SPATS2L: variants seen among roughly 807,000 people sequenced by gnomAD.
The protein encoded by SPATS2L is spermatogenesis associated serine rich 2 like, also known as SPATS2-like protein.
A neutral mutation model predicts 59.6 loss-of-function variants in SPATS2L; 30 were observed. The observed-to-expected ratio is 0.50, with a 90% CI of 0.38 to 0.68. The LOEUF is 0.68. SPATS2L is among the 30% of genes least tolerant of loss of function. The pLI, the probability that SPATS2L is intolerant of heterozygous loss-of-function variation, is 0.00. For synonymous variants in SPATS2L, 252 were observed against 263.5 expected (o/e 0.96, Z 0.42); for missense variants, 615 against 700.0 (o/e 0.88, Z 1.37).
chr2:200,320,848 GC>G (rs1160204115), intron 1 of SPATS2L, among the ~76,000 whole-genome samples: 4 of 151,820 alleles, frequency 2.6e-5, no homozygotes, highest in Non-Finnish European at 4.4e-5. Context: ...CATGTTCTCT[GC>G]CTTGGACTAG....
intron 1 of SPATS2L, chr2:200,308,812 G>A: frequency 4.6e-6 from 2 of 436,950 alleles, no homozygotes; most frequent in East Asian, 7.0e-5. Context: ...GATTTTCTAA[G>A]AATCAACTTA....
intron 1 of SPATS2L, among the ~76,000 whole-genome samples, chr2:200,323,187 A>G (rs1422642532): frequency 6.6e-6 from 1 of 152,196 alleles, no homozygotes; most frequent in Non-Finnish European, 1.5e-5. Context: ...GATTTACAGC[A>G]TGGCTCCATT....
At chr2:200,364,750 G>A (rs295129) in intron 2 of SPATS2L, among the ~76,000 whole-genome samples, 85,863 of 151,822 alleles carry the variant, frequency 0.57, 25,033 homozygotes, top group African/African-American at 0.68. Context: ...CTGAAGGCTT[G>A]TTGGGGTCTG....
chr2:200,419,445 A>G lies in SPATS2L; in HGVS notation c.394A>G (p.Lys132Glu). The G allele has an allele frequency of 2.5e-6, 4 of 1,613,928 alleles. No individual in the cohort carries two copies. The highest frequency in any genetic ancestry group is 1.1e-5 in the South Asian group (1 of 91,072). The part of the protein sequence containing the change: ...NEKPALIPRE[K>E]KISILEEPSK... ...AAAACCAGCCCTTATCCCTCGTGAG[A>G]AAAAGATCTCGATACTTGAGGAACC... The change falls in exon 6 of 13, where the codon AAA becomes GAA. Residue 132 changes from lysine (K) to glutamate (E), a missense_variant. Transcript: ENST00000409140.
At chr2:200,306,363 G>C (rs539312474), upstream of SPATS2L, 31 of 1,002,276 alleles carry the variant, frequency 3.1e-5, no homozygotes, top group African/African-American at 4.9e-4. Flanking sequence ...GGGGAGTTTC[G>C]GTGAAGTGGA....
intron 8 of SPATS2L, among the ~76,000 whole-genome samples, chr2:200,441,707 T>G (rs911113803): frequency 3.3e-5 from 5 of 152,162 alleles, no homozygotes; most frequent in Admixed American, 2.6e-4. Context: ...TACATAATCC[T>G]TAGCCCTCTG....
In SPATS2L at chr2:200,346,598, A is replaced by T. The variant is rs148065919; in HGVS notation, c.-23+17118A>T. 5.9e-5 allele frequency among the ~76,000 whole-genome samples: 9 copies of T among 152,272 alleles called. No individual in the cohort carries two copies. The East Asian group carries it at 1.5e-3, about 26-fold the overall frequency. ...TAAAACACTAAGTAATTTCAGAGAG[A>T]ATCTCATTTTGGCATTCTTTATATC... On this transcript the variant is annotated intron_variant, in intron 2 of 12. Coordinates refer to ENST00000409140, the MANE Select transcript of SPATS2L (RefSeq NM_001100423.2).
intron 6 of SPATS2L, among the ~76,000 whole-genome samples, chr2:200,437,821 T>C (rs2084403467): frequency 6.6e-6 from 1 of 152,260 alleles, no homozygotes; most frequent in South Asian, 2.1e-4. Context: ...GACTAGGACC[T>C]AGATCATATT....
At chr2:200,316,337 A>T (rs2079377717) in intron 1 of SPATS2L, among the ~76,000 whole-genome samples, 1 of 152,224 alleles carries the variant, frequency 6.6e-6, no homozygotes. Context: ...TTGCTTCATG[A>T]GTAGGCATTT....
intron 11 of SPATS2L, among the ~76,000 whole-genome samples, chr2:200,470,444 A>G (rs1437863283): frequency 6.6e-6 from 1 of 152,192 alleles, no homozygotes; most frequent in Non-Finnish European, 1.5e-5. Flanking sequence ...CAGTGCCCTG[A>G]GCCTCCACCC....
chr2:200,439,214 T>G lies in SPATS2L; in HGVS notation c.538T>G (p.Ser180Ala), dbSNP rs548993475. 6.2e-7 allele frequency: 1 copy of G among 1,613,612 alleles called. No homozygotes were observed. The highest frequency in any genetic ancestry group is 2.2e-5 in the East Asian group (1 of 44,858). Residue 180 changes from serine (S) to alanine (A), a missense_variant, in exon 7 of 13, where the codon TCA (serine) becomes GCA (alanine). Physicochemically the swap from Ser to Ala is moderately conservative, Grantham distance 99. Transcript: ENST00000409140. ...TTERSDGLQW[S>A]AEQPCNPSKP... The stretch of plus-strand genomic sequence containing the variant: ...AGAGAGGTCAGATGGCCTACAGTGG[T>G]CAGCTGAGCAGCCTTGTAACCCAAG...
At chr2:200,349,747 C>T (rs993325435) in intron 2 of SPATS2L, among the ~76,000 whole-genome samples, 3 of 152,208 alleles carry the variant, frequency 2.0e-5, no homozygotes, top group African/African-American at 4.8e-5. Flanking sequence ...CCTTCTCCTT[C>T]TGGTCTCCTG....
intron 4 of SPATS2L, 67 bp from the exon 5 acceptor site, chr2:200,416,312 C>T: frequency 1.4e-6 from 1 of 695,744 alleles, no homozygotes; most frequent in Non-Finnish European, 2.1e-6. Flanking sequence ...GATGGAAAGA[C>T]AGAGATGAAT....
Position 200,481,230 on chromosome 2 carries a change from G to C in SPATS2L, c.*3199G>C, listed in dbSNP as rs1346954204. On this transcript the variant is annotated 3_prime_UTR_variant, in exon 13 of 13. Transcript: ENST00000409140. ...CAATTTAAAGCTCAGTTCACAAGCA[G>C]TTCAATTCTGCTGGCATCAGAAAAG... The C allele has an allele frequency of 6.6e-6, 1 of 152,218 alleles. No individual in the cohort carries two copies. The highest frequency in any genetic ancestry group is 1.5e-5 in the Non-Finnish European group (1 of 68,036). The allele number at this position is 152,218 out of a possible 1,614,324, so 9.4% of individuals were successfully genotyped here.
intron 2 of SPATS2L, among the ~76,000 whole-genome samples, chr2:200,364,462 C>T (rs1044665507): frequency 1.3e-5 from 2 of 152,126 alleles, no homozygotes; most frequent in Admixed American, 6.6e-5. Flanking sequence ...GCCCTGTTCC[C>T]GTGTTTAGGT....
chr2:200,332,861 T>C (rs895900915), intron 2 of SPATS2L, among the ~76,000 whole-genome samples: 4 of 152,078 alleles, frequency 2.6e-5, no homozygotes, highest in Admixed American at 2.0e-4. Context: ...TAAAATATTC[T>C]CTATCAGTAG....
At position 200,479,754 on chromosome 2, in the gene SPATS2L, C is replaced by A; in HGVS notation, c.*1723C>A. ...TTCTGGCAACCCAGGTTCACTGGTT[C>A]TCTTCCACAGAGCGGCCCTGAGCAG... On this transcript the variant is annotated 3_prime_UTR_variant, in exon 13 of 13. Coordinates refer to ENST00000409140, the MANE Select transcript of SPATS2L (RefSeq NM_001100423.2). The A allele has an allele frequency of 2.5e-6, 1 of 398,658 alleles. No individual in the cohort carries two copies. The highest frequency in any genetic ancestry group is 1.3e-4 in the South Asian group (1 of 7,842). 24.7% of individuals were successfully genotyped at this position (398,658 alleles called of 1,614,324 possible). A position where few individuals can be genotyped will look rare whatever the true frequency, so the allele number is the denominator to read the frequency against.
At position 200,477,915 on chromosome 2, in the gene SPATS2L, A is replaced by C. The variant is rs574199885; in HGVS notation, c.1561A>C (p.Arg521=). 7.6e-5 allele frequency: 123 copies of C among 1,612,240 alleles called. No homozygotes were observed. The highest frequency in any genetic ancestry group is 1.1e-4 in the African/African-American group (8 of 74,892). ...GCACGCTGCAGACACCTCGGAGGCC[A>C]GGCCCTTCCGGGGTAGTGTCGGTAG... ...RQHAADTSEA[R]PFRGSVGRVS... is the part of the protein sequence containing the mutation. The change falls in exon 13 of 13, where the codon AGG becomes CGG. Residue 521 remains arginine (R), a synonymous_variant. Coordinates refer to ENST00000409140, the MANE Select transcript of SPATS2L (RefSeq NM_001100423.2).
chr2:200,419,258 A>C lies in SPATS2L; in HGVS notation c.207A>C (p.Lys69Asn). Residue 69 changes from lysine (K) to asparagine (N), a missense_variant, in exon 6 of 13, where the codon AAA (lysine) becomes AAC (asparagine). Transcript: ENST00000409140. ...TTTGTTTCTCATTCTAGAACAATAA[A>C]AGAAAAAGAAGCAAGTCCAAGCAGC... ...WNMTGKKKNN[K>N]RKRSKSKQHQ... 1 of 1,570,792 alleles carries C rather than the reference A, an allele frequency of 6.4e-7. No homozygotes were observed.
Sources: allele counts gnomAD v4.1 joint callset (sites outside exome capture counted in the v4.1 genomes callset), GRCh38; gene constraint gnomAD v4.1.1; transcripts MANE v1.5; gene names NCBI Gene and HGNC (gene_info 2026-07-23, HGNC 2026-07-21).